ADGRG6: variants seen among roughly 807,000 people sequenced by gnomAD.
ADGRG6 encodes G-protein coupled receptor 126.
ADGRG6 carries 84 observed loss-of-function variants against 142.4 expected under a neutral mutation model. The observed-to-expected ratio is 0.59, with a 90% CI of 0.49 to 0.71. The LOEUF (loss-of-function observed/expected upper bound fraction) is 0.71, where lower values mean the gene tolerates loss of function less well. ADGRG6 is among the 30% of genes least tolerant of loss of function. The probability of loss-of-function intolerance (pLI) is 0.00; values close to 1 mark genes in which losing one functional copy is unlikely to be tolerated. For synonymous variants in ADGRG6, 521 were observed against 520.5 expected, an observed-to-expected ratio of 1.00 and a Z score of -0.01; for missense variants, 1,367 against 1,466.6, an observed-to-expected ratio of 0.93 and a Z score of 1.11.
At chr6:142,390,677 T>A (rs1477495352) in intron 7 of ADGRG6, among the ~76,000 whole-genome samples, 1 of 151,886 alleles carries the variant, frequency 6.6e-6, no homozygotes, top group African/African-American at 2.4e-5. Context: ...ATTTTAAAAA[T>A]TGTTTGAATG....
chr6:142,412,112 C>T (rs1393245198), intron 18 of ADGRG6, among the ~76,000 whole-genome samples: 2 of 152,110 alleles, frequency 1.3e-5, no homozygotes, highest in African/African-American at 4.8e-5. Flanking sequence ...TTTCTTATCC[C>T]ACCAAATTTT....
chr6:142,317,389 T>A (rs923575043), intron 2 of ADGRG6, among the ~76,000 whole-genome samples: 4 of 152,042 alleles, frequency 2.6e-5, no homozygotes, highest in Admixed American at 6.6e-5. Context: ...ATGAATTGAA[T>A]TGCTTTCCAA....
intron 6 of ADGRG6, 66 bp downstream of exon 6, chr6:142,383,909 A>T (rs1055157924): frequency 2.4e-5 from 19 of 807,958 alleles, no homozygotes; most frequent in Non-Finnish European, 3.6e-5. Context: ...CTAAGGATGG[A>T]AATATGTATT....
intron 9 of ADGRG6, among the ~76,000 whole-genome samples, chr6:142,397,248 A>T (rs1286340117): frequency 4.6e-5 from 7 of 152,084 alleles, no homozygotes; most frequent in African/African-American, 1.7e-4. Context: ...TATTAAAAAA[A>T]ATTAATTTGG....
intron 2 of ADGRG6, among the ~76,000 whole-genome samples, chr6:142,327,045 G>C (rs779465520): frequency 6.6e-6 from 1 of 151,824 alleles, no homozygotes. Context: ...TTCTCATCTT[G>C]GTCTGATTAT....
chr6:142,402,140 ATTC>A, intron 12 of ADGRG6, 82 bp downstream of exon 12: 1 of 701,302 alleles, frequency 1.4e-6, no homozygotes, highest in Non-Finnish European at 2.5e-6. Flanking sequence ...CTTCGAGAAT[ATTC>A]TTCTGCTCTG....
At chr6:142,312,173 C>T (rs1229026121) in intron 2 of ADGRG6, among the ~76,000 whole-genome samples, 1 of 151,956 alleles carries the variant, frequency 6.6e-6, no homozygotes, top group Admixed American at 6.6e-5. Context: ...ACTGTGATAG[C>T]TAGGTTAGGA....
At chr6:142,365,430 A>C (rs1780902079) in intron 2 of ADGRG6, among the ~76,000 whole-genome samples, 1 of 152,180 alleles carries the variant, frequency 6.6e-6, no homozygotes, top group South Asian at 2.1e-4. Context: ...GGTACTGTGC[A>C]GTGCTGGAGA....
intron 20 of ADGRG6, among the ~76,000 whole-genome samples, chr6:142,416,772 TA>T (rs555726075): frequency 5.8e-4 from 88 of 152,280 alleles, no homozygotes; most frequent in African/African-American, 2.1e-3. Flanking sequence ...CCCACTGAAA[TA>T]TACATGGAAA....
chr6:142,322,124 G>T (rs976501513), intron 2 of ADGRG6, among the ~76,000 whole-genome samples: 5 of 152,098 alleles, frequency 3.3e-5, no homozygotes, highest in Admixed American at 6.6e-5. Context: ...GGGGGCCTGG[G>T]CACAGTGACT....
chr6:142,402,759 C>A lies in ADGRG6; in HGVS notation c.1884C>A (p.Gly628=). ...AAGAAAACATTGATATAACACTTGGCTCAACTCTAATGAATATATTTTCTA... is the reference window on the plus strand; with the variant it reads ...AAGAAAACATTGATATAACACTTGGATCAACTCTAATGAATATATTTTCTA... The part of the protein sequence containing the change: ...NKEENIDITL[G]STLMNIFSNI... Residue 628 remains glycine (G), a synonymous_variant, in exon 13 of 25, where the codon GGC becomes GGA. Transcript: ENST00000367609. 1 of 1,600,294 alleles carries A rather than the reference C, an allele frequency of 6.2e-7. No individual in the cohort carries two copies. Among genetic ancestry groups the A allele is most frequent in the Non-Finnish European group, 8.6e-7 (1 of 1,168,314 alleles).
At chr6:142,404,968 G>C (rs1379640862) in intron 14 of ADGRG6, among the ~76,000 whole-genome samples, 1 of 152,170 alleles carries the variant, frequency 6.6e-6, no homozygotes, top group South Asian at 2.1e-4. Flanking sequence ...TTAGCCACCA[G>C]AGCAAACAAA....
At chr6:142,345,155 A>C (rs1378333632) in intron 2 of ADGRG6, among the ~76,000 whole-genome samples, 1 of 152,212 alleles carries the variant, frequency 6.6e-6, no homozygotes, top group East Asian at 1.9e-4. Context: ...AACATTTTCT[A>C]CAGAGTGGTA....
chr6:142,329,852 T>C (rs750911728), intron 2 of ADGRG6, among the ~76,000 whole-genome samples: 8 of 152,198 alleles, frequency 5.3e-5, no homozygotes, highest in Non-Finnish European at 1.0e-4. Context: ...CAGTCACATA[T>C]CTGCCACTTA....
intron 2 of ADGRG6, among the ~76,000 whole-genome samples, chr6:142,359,203 T>TTA (rs1227626251): frequency 7.0e-5 from 4 of 57,284 alleles, no homozygotes; most frequent in African/African-American, 2.1e-4. Flanking sequence ...CAAGACCCTA[T>TTA]AAAAAAAAAA....
Position 142,307,525 on chromosome 6 carries a change from G to T in ADGRG6, c.3-2019G>T, listed in dbSNP as rs567508106. On this transcript the variant is annotated intron_variant, in intron 1 of 24. Transcript: ENST00000367609. ...ATGGGACGGAAGTTTGTCACCTACC[G>T]TTTTAAAAGCCCCTACAGATTAACC... is the stretch of plus-strand genomic sequence containing the variant. Among the ~76,000 whole-genome samples, 17 of 152,022 alleles carry T rather than the reference G, an allele frequency of 1.1e-4. No homozygotes were observed. In the South Asian group the frequency reaches 3.5e-3, roughly 32 times the overall value.
intron 22 of ADGRG6, among the ~76,000 whole-genome samples, chr6:142,435,343 T>TA (rs1777433500): frequency 6.6e-6 from 1 of 152,140 alleles, no homozygotes; most frequent in Non-Finnish European, 1.5e-5. Context: ...GTTCAAGCGC[T>TA]AGATCCCCTA....
intron 13 of ADGRG6, among the ~76,000 whole-genome samples, chr6:142,403,050 A>G (rs946472938): frequency 6.6e-6 from 1 of 151,958 alleles, no homozygotes; most frequent in African/African-American, 2.4e-5. Flanking sequence ...ACATAGCCCT[A>G]GAAAGCATAA....
At chr6:142,329,953 C>A (rs551445224) in intron 2 of ADGRG6, among the ~76,000 whole-genome samples, 1 of 152,220 alleles carries the variant, frequency 6.6e-6, no homozygotes, top group East Asian at 1.9e-4. Flanking sequence ...TCCACTGCAG[C>A]CCATATATAG....
Sources: allele counts gnomAD v4.1 joint callset (sites outside exome capture counted in the v4.1 genomes callset), GRCh38; gene constraint gnomAD v4.1.1; transcripts MANE v1.5; gene names NCBI Gene and HGNC (gene_info 2026-07-23, HGNC 2026-07-21).